The following MYEF2 variants were observed in gnomAD, a reference collection of about 807,000 sequenced individuals.
The protein encoded by MYEF2 is myelin gene expression factor 2.
In MYEF2, 37 loss-of-function variants were observed where a neutral mutation model predicts 75.2. The ratio of observed to expected loss-of-function variants is 0.49; its 90% confidence interval spans 0.38 to 0.65. The LOEUF is 0.65. Ranked by LOEUF, MYEF2 falls within the 30% of genes least tolerant of loss-of-function variation. The pLI is 0.00. For synonymous variants in MYEF2, 195 were observed against 241.6 expected, an observed-to-expected ratio of 0.81 and a Z score of 1.79; for missense variants, 634 against 771.4, an observed-to-expected ratio of 0.82 and a Z score of 2.11.
intron 1 of MYEF2, among the ~76,000 whole-genome samples, chr15:48,170,547 G>C (rs1442493480): frequency 6.6e-6 from 1 of 152,142 alleles, no homozygotes; most frequent in Non-Finnish European, 1.5e-5. Context: ...TGACACCCAG[G>C]AATCTAAATT....
At chr15:48,162,687 C>T (rs1212075577) in intron 5 of MYEF2, 1 of 152,142 alleles carries the variant, frequency 6.6e-6, no homozygotes, top group African/African-American at 2.4e-5. Flanking sequence ...TTTGTGTCTC[C>T]GTATCACATT....
chr15:48,167,143 C>T (rs2040161130), intron 3 of MYEF2, among the ~76,000 whole-genome samples: 1 of 151,872 alleles, frequency 6.6e-6, no homozygotes, highest in South Asian at 2.1e-4. Context: ...AGTGAATGCC[C>T]CTTTGGAGTG....
At chr15:48,155,398 A>C (rs2039656480) in intron 9 of MYEF2, among the ~76,000 whole-genome samples, 3 of 152,170 alleles carry the variant, frequency 2.0e-5, no homozygotes, top group African/African-American at 7.2e-5. Context: ...TTAAGTAAAA[A>C]CAAGAAAAAG....
At position 48,135,253 on chromosome 15, in the gene MYEF2, T is replaced by C; in HGVS notation, c.*7655A>G. 3.6e-6 allele frequency: 1 copy of C among 278,620 alleles called. No homozygotes were observed. Among genetic ancestry groups the C allele is most frequent in the East Asian group, 6.8e-5 (1 of 14,634 alleles). The allele number at this position is 278,620 out of a possible 1,614,324, so 17.3% of individuals were successfully genotyped here. On this transcript the variant is annotated 3_prime_UTR_variant, in exon 17 of 17. Transcript: ENST00000324324. ...TTTCCTTCTCCCCACTGGCTGCCTA[T>C]TCAGAAAGTTTCCCAACTCCTGTTG...
intron 10 of MYEF2, chr15:48,153,523 TC>T (rs2039575606): frequency 3.1e-6 from 1 of 320,220 alleles, no homozygotes; most frequent in Non-Finnish European, 5.9e-6. Flanking sequence ...TGATATATTC[TC>T]CTTCTGCCTT....
intron 5 of MYEF2, among the ~76,000 whole-genome samples, chr15:48,164,254 G>A (rs2040056487): frequency 6.6e-6 from 1 of 152,132 alleles, no homozygotes; most frequent in African/African-American, 2.4e-5. Flanking sequence ...TAATCCTAAT[G>A]GATGACTTTG....
chr15:48,166,067 AT>A, intron 4 of MYEF2, 41 bp from the exon 5 acceptor site: 3 of 1,576,420 alleles, frequency 1.9e-6, no homozygotes, highest in African/African-American at 1.4e-5. Flanking sequence ...TTATGTGCTA[AT>A]TTTTTTCCAA....
chr15:48,176,005 C>T (rs935828771), intron 1 of MYEF2, among the ~76,000 whole-genome samples: 4 of 151,918 alleles, frequency 2.6e-5, no homozygotes, highest in African/African-American at 9.7e-5. Context: ...TAGTGGTCTC[C>T]CACCCTCAAT....
At chr15:48,143,149 A>G in intron 16 of MYEF2, 78 bp from the exon 17 acceptor site, 1 of 881,660 alleles carries the variant, frequency 1.1e-6, no homozygotes, top group Non-Finnish European at 1.6e-6. Flanking sequence ...AATTCCTCAT[A>G]GCCAATTGTG....
intron 1 of MYEF2, among the ~76,000 whole-genome samples, chr15:48,172,151 G>GC (rs565808891): frequency 6.6e-6 from 1 of 152,208 alleles, no homozygotes; most frequent in African/African-American, 2.4e-5. Flanking sequence ...TGTAATCCCG[G>GC]CACTTTGGGA....
Position 48,142,020 on chromosome 15 carries a change from C to T in MYEF2, c.*888G>A, listed in dbSNP as rs1597278067. On this transcript the variant is annotated 3_prime_UTR_variant, in exon 17 of 17. Transcript: ENST00000324324. ...AAGCACATTTTAACAGTATGCTTTT[C>T]TTTTGTAGGGAAAGGAGATATGGCT... The T allele has an allele frequency of 6.3e-7, 1 of 1,592,770 alleles. No individual in the cohort carries two copies. The highest frequency in any genetic ancestry group is 1.1e-5 in the South Asian group (1 of 88,526).
chr15:48,171,392 A>G (rs2040336665), intron 1 of MYEF2, among the ~76,000 whole-genome samples: 1 of 152,210 alleles, frequency 6.6e-6, no homozygotes, highest in Admixed American at 6.5e-5. Flanking sequence ...AGGTGGGGTT[A>G]CATAGATTAA....
chr15:48,156,873 ATG>A (rs1279082579), intron 9 of MYEF2, among the ~76,000 whole-genome samples: 3 of 152,070 alleles, frequency 2.0e-5, no homozygotes, highest in Admixed American at 6.5e-5. Context: ...GGATGTACAA[ATG>A]TGTAGTCAAA....
Position 48,138,363 on chromosome 15 carries a change from G to T in MYEF2, c.*4545C>A, listed in dbSNP as rs1470198648. The T allele has an allele frequency of 6.6e-6, 1 of 151,816 alleles. No homozygotes were observed. Among genetic ancestry groups the T allele is most frequent in the Non-Finnish European group, 1.5e-5 (1 of 67,898 alleles). 9.4% of individuals were successfully genotyped at this position (151,816 alleles called of 1,614,324 possible). On this transcript the variant is annotated 3_prime_UTR_variant, in exon 17 of 17. Transcript: ENST00000324324. ...GAAATATACTCAATTTTCATAAATT[G>T]TACTTTAGATGATATACTACCTCCT...
intron 1 of MYEF2, among the ~76,000 whole-genome samples, chr15:48,170,396 G>C (rs940496135): frequency 6.6e-6 from 1 of 152,148 alleles, no homozygotes; most frequent in African/African-American, 2.4e-5. Flanking sequence ...AAAGTGCTGG[G>C]ATTACAGGTG....
At position 48,151,894 on chromosome 15, in the gene MYEF2, C is replaced by T; in HGVS notation, c.1187G>A (p.Gly396Glu). 6.2e-7 allele frequency: 1 copy of T among 1,613,522 alleles called. No homozygotes were observed. The highest frequency in any genetic ancestry group is 8.5e-7 in the Non-Finnish European group (1 of 1,179,574). Residue 396 changes from glycine to glutamate, a missense_variant, in exon 12 of 17, where the codon GGA becomes GAA. Transcript: ENST00000324324. The part of the protein sequence containing the change: ...LEAMNSMGGF[G>E]GVGRMGELYR... ...CCTACCTCCCATTCGGCCAACTCCT[C>T]CAAATCCTCCCATGCTATTCATTGC...
At position 48,138,787 on chromosome 15, in the gene MYEF2, G is replaced by A; in HGVS notation, c.*4121C>T. 1.7e-6 allele frequency: 1 copy of A among 572,674 alleles called. No individual in the cohort carries two copies. The allele number at this position is 572,674 out of a possible 1,614,324, so 35.5% of individuals were successfully genotyped here. ...CGGAGTATCACATCTTACATTGTCT[G>A]CCCTAAAGTTTCAATTAGTTTCTTT... is the stretch of plus-strand genomic sequence containing the variant. On this transcript the variant is annotated 3_prime_UTR_variant, in exon 17 of 17. Transcript: ENST00000324324.
Position 48,141,798 on chromosome 15 carries a change from A to G in MYEF2, c.*1110T>C, listed in dbSNP as rs937577883. On this transcript the variant is annotated 3_prime_UTR_variant, in exon 17 of 17. Transcript: ENST00000324324. Reference sequence around the variant, plus strand: ...ATGAAAAGCAACAAATAAGCTATATACCTTATTGAAAAATGGTTTAATAAA... The same window carrying G: ...ATGAAAAGCAACAAATAAGCTATATGCCTTATTGAAAAATGGTTTAATAAA... 1 of 306,556 alleles carries G rather than the reference A, an allele frequency of 3.3e-6. No individual in the cohort carries two copies. The highest frequency in any genetic ancestry group is 2.2e-5 in the African/African-American group (1 of 46,246). 19.0% of individuals were successfully genotyped at this position (306,556 alleles called of 1,614,324 possible).
rs2039100321 is a variant in MYEF2 at position 48,141,818 on chromosome 15, AATAAAT to A, written c.*1084_*1089del. 2 of 343,596 alleles carry A rather than the reference AATAAAT, an allele frequency of 5.8e-6. No individual in the cohort carries two copies. Among genetic ancestry groups the A allele is most frequent in the East Asian group, 9.4e-5 (2 of 21,298 alleles). The allele number at this position is 343,596 out of a possible 1,614,324, so 21.3% of individuals were successfully genotyped here. ...TATATACCTTATTGAAAAATGGTTT[AATAAAT>A]ATAATTATTAAATAAATGTTAAGAC... On this transcript the variant is annotated 3_prime_UTR_variant, in exon 17 of 17. Coordinates refer to ENST00000324324, the MANE Select transcript of MYEF2 (RefSeq NM_016132.5).
Sources: allele counts gnomAD v4.1 joint callset (sites outside exome capture counted in the v4.1 genomes callset), GRCh38; gene constraint gnomAD v4.1.1; transcripts MANE v1.5; gene names NCBI Gene and HGNC (gene_info 2026-07-23, HGNC 2026-07-21).